SRSF4: variants seen among roughly 807,000 people sequenced by gnomAD.
SRSF4 encodes serine and arginine rich splicing factor 4.
In SRSF4, 12 loss-of-function variants were observed where a neutral mutation model predicts 48.8. The ratio of observed to expected loss-of-function variants is 0.25; its 90% CI spans 0.16 to 0.40. The LOEUF is 0.40. Ranked by LOEUF, SRSF4 falls within the 10% of genes least tolerant of loss-of-function variation. The probability of loss-of-function intolerance (pLI) is 1.00; values close to 1 mark genes in which losing one functional copy is unlikely to be tolerated. For synonymous variants in SRSF4, 248 were observed against 232.5 expected, an observed-to-expected ratio of 1.07 and a Z score of -0.61; for missense variants, 466 against 667.1, an observed-to-expected ratio of 0.70 and a Z score of 3.32.
intron 1 of SRSF4, among the ~76,000 whole-genome samples, chr1:29,166,251 G>T (rs557761795): frequency 6.6e-6 from 1 of 152,140 alleles, no homozygotes; most frequent in South Asian, 2.1e-4. Context: ...CTATGCTTCA[G>T]CCAACTTGGT....
chr1:29,164,571 C>T (rs1290046103), intron 1 of SRSF4, among the ~76,000 whole-genome samples: 1 of 152,134 alleles, frequency 6.6e-6, no homozygotes, highest in African/African-American at 2.4e-5. Context: ...TGTGAATAAG[C>T]CTCACAAAAC....
chr1:29,181,471 G>A (rs1405250645), intron 1 of SRSF4, among the ~76,000 whole-genome samples, 175 bp downstream of exon 1: 2 of 152,196 alleles, frequency 1.3e-5, no homozygotes, highest in African/African-American at 4.8e-5. Context: ...CACCCGCGCA[G>A]GCGCAGTGGG....
Position 29,181,704 on chromosome 1 carries a change from C to G in SRSF4, c.49G>C (p.Asp17His). The G allele has an allele frequency of 1.9e-6, 3 of 1,595,204 alleles. No individual in the cohort carries two copies. The highest frequency in any genetic ancestry group is 2.6e-6 in the Non-Finnish European group (3 of 1,172,858). ...GRLSYQARER[D>H]VERFFKGYGK... ...TAGCCCTTAAAGAAGCGCTCCACAT[C>G]GCGCTCCCGGGCCTGGTAGCTCAGG... Residue 17 changes from aspartate to histidine, a missense_variant, in exon 1 of 6, where the codon GAT becomes CAT. Coordinates refer to ENST00000373795, the MANE Select transcript of SRSF4 (RefSeq NM_005626.5).
rs572143921 is a variant in SRSF4, at chr1:29,161,238, T to C, written c.108-721A>G. ...ACCCCCACCATCCTACTAATGCCTA[T>C]TAAAGAGTACAATTTATATAGCTAA... On this transcript the variant is annotated intron_variant, in intron 1 of 5. Transcript: ENST00000373795. Among the ~76,000 whole-genome samples, 41 of 152,336 alleles carry C rather than the reference T, an allele frequency of 2.7e-4. No homozygotes were observed. The South Asian group carries it at 8.3e-3, about 31-fold the overall frequency.
At chr1:29,156,988 A>C (rs1672510473) in intron 3 of SRSF4, among the ~76,000 whole-genome samples, 1 of 152,240 alleles carries the variant, frequency 6.6e-6, no homozygotes, top group Admixed American at 6.5e-5. Flanking sequence ...TCATACACGT[A>C]ATCTACAGCA....
rs1672343234 is a variant in SRSF4, at chr1:29,148,578, C to G, written c.1317G>C (p.Glu439Asp). Residue 439 changes from glutamate to aspartate, a missense_variant, in exon 6 of 6, where the codon GAG becomes GAC. Transcript: ENST00000373795. The part of the protein sequence containing the change: ...GESENAGTNQ[E>D]TRSRSRSNSK... ...AATTGGATCTCGACCTGGACCGGGT[C>G]TCCTGATTGGTGCCAGCATTCTCAC... 1 of 1,613,952 alleles carries G rather than the reference C, an allele frequency of 6.2e-7. No individual in the cohort carries two copies. Among genetic ancestry groups the G allele is most frequent in the Non-Finnish European group, 8.5e-7 (1 of 1,179,988 alleles).
Position 29,148,824 on chromosome 1 carries a change from C to T in SRSF4, c.1071G>A (p.Arg357=). The part of the protein sequence containing the change: ...RSKSKDKRKG[R]KRSREESRSR... ...TGCGGCTCTCCTCTCTGCTTCTCTT[C>T]CTGCCCTTCCTCTTGTCCTTGCTCT... is the stretch of plus-strand genomic sequence containing the variant. The change falls in exon 6 of 6, where the codon AGG becomes AGA. Residue 357 remains arginine, a synonymous_variant. Transcript: ENST00000373795. 6.2e-7 allele frequency: 1 copy of T among 1,608,620 alleles called. No individual in the cohort carries two copies. The highest frequency in any genetic ancestry group is 8.5e-7 in the Non-Finnish European group (1 of 1,176,658).
Position 29,159,367 on chromosome 1 carries a change from C to T in SRSF4, c.363+7G>A. 1 of 1,610,142 alleles carries T rather than the reference C, an allele frequency of 6.2e-7. No individual in the cohort carries two copies. The highest frequency in any genetic ancestry group is 8.5e-7 in the Non-Finnish European group (1 of 1,176,804). On this transcript the variant is annotated splice_region_variant and intron_variant, in intron 3 of 5. Coordinates refer to ENST00000373795, the MANE Select transcript of SRSF4 (RefSeq NM_005626.5). ...ACCTTACCCCAAAAGGTTAATGGGG[C>T]CCAAACCTTTAGGTCTTGCCAGCTG...
chr1:29,168,189 T>C (rs909660955), intron 1 of SRSF4, among the ~76,000 whole-genome samples: 6 of 110,218 alleles, frequency 5.4e-5, no homozygotes, highest in African/African-American at 2.1e-4. Flanking sequence ...AAATTTTTTG[T>C]AATTTTTTTT....
At position 29,148,998 on chromosome 1, in the gene SRSF4, T is replaced by G; in HGVS notation, c.897A>C (p.Lys299Asn). The change falls in exon 6 of 6, where the codon AAA becomes AAC. Residue 299 changes from lysine (K) to asparagine (N), a missense_variant. Coordinates refer to ENST00000373795, the MANE Select transcript of SRSF4 (RefSeq NM_005626.5). ...RSPSRHKSKS[K>N]SRSRSQERRV... ...TCCTCTCCTGACTCCTGCTCCGACT[T>G]TTGCTCTTACTTTTATGCCTGCTAG... The G allele has an allele frequency of 6.2e-7, 1 of 1,613,220 alleles. No homozygotes were observed. Among genetic ancestry groups the G allele is most frequent in the Non-Finnish European group, 8.5e-7 (1 of 1,179,872 alleles).
chr1:29,174,089 T>A (rs2151824850), intron 1 of SRSF4, among the ~76,000 whole-genome samples: 1 of 151,388 alleles, frequency 6.6e-6, no homozygotes, highest in East Asian at 2.0e-4. Context: ...CTTGGGAGGC[T>A]GAGGCAGGAG....
chr1:29,166,316 A>G (rs1672668348), intron 1 of SRSF4, among the ~76,000 whole-genome samples: 2 of 152,190 alleles, frequency 1.3e-5, no homozygotes, highest in South Asian at 4.1e-4. Context: ...AAAAACGGTA[A>G]TTCTTGCTGT....
chr1:29,178,610 C>G (rs565775821), intron 1 of SRSF4, among the ~76,000 whole-genome samples: 2 of 152,262 alleles, frequency 1.3e-5, no homozygotes, highest in Admixed American at 1.3e-4. Flanking sequence ...CCCGCCTCGG[C>G]CTCCCAAAGT....
chr1:29,152,260 A>G (rs2151812564), intron 4 of SRSF4, among the ~76,000 whole-genome samples: 1 of 152,338 alleles, frequency 6.6e-6, no homozygotes, highest in African/African-American at 2.4e-5. Context: ...GGAATGATAG[A>G]TGTCTAGACT....
intron 1 of SRSF4, among the ~76,000 whole-genome samples, chr1:29,165,546 G>A (rs1437878003): frequency 6.6e-6 from 1 of 152,190 alleles, no homozygotes; most frequent in Admixed American, 6.5e-5. Flanking sequence ...CCTTTGCTCT[G>A]TTATGTTCTA....
chr1:29,160,363 T>C lies in SRSF4; in HGVS notation c.250+12A>G, dbSNP rs752859238. On this transcript the variant is annotated intron_variant, in intron 2 of 5. Transcript: ENST00000373795. ...CACGTTACTGATAAAAGTATGCCCTTTGAATGCTTACTGCGTCCAGAACCG... is the reference window on the plus strand; with the variant it reads ...CACGTTACTGATAAAAGTATGCCCTCTGAATGCTTACTGCGTCCAGAACCG... 1 of 1,605,752 alleles carries C rather than the reference T, an allele frequency of 6.2e-7. No individual in the cohort carries two copies. Among genetic ancestry groups the C allele is most frequent in the African/African-American group, 1.3e-5 (1 of 74,500 alleles).
At chr1:29,166,431 C>A (rs939587011) in intron 1 of SRSF4, among the ~76,000 whole-genome samples, 11 of 152,242 alleles carry the variant, frequency 7.2e-5, no homozygotes, top group Non-Finnish European at 5.9e-5. Context: ...AACAGTGTAA[C>A]TGCCCCGATT....
intron 1 of SRSF4, among the ~76,000 whole-genome samples, chr1:29,163,563 CAATA>C (rs1672629192): frequency 6.6e-6 from 1 of 152,026 alleles, no homozygotes; most frequent in African/African-American, 2.4e-5. Context: ...TAATTTCATT[CAATA>C]AATAGAGTGA....
intron 1 of SRSF4, among the ~76,000 whole-genome samples, chr1:29,175,284 A>C (rs1343521580): frequency 3.3e-5 from 5 of 151,904 alleles, no homozygotes; most frequent in Admixed American, 2.0e-4. Context: ...GTGGTGGTGC[A>C]CACCTGTAAT....
Sources: allele counts gnomAD v4.1 joint callset (sites outside exome capture counted in the v4.1 genomes callset), GRCh38; gene constraint gnomAD v4.1.1; transcripts MANE v1.5; gene names NCBI Gene and HGNC (gene_info 2026-07-23, HGNC 2026-07-21).